The following LOXHD1 variants were observed in gnomAD, a reference collection of about 807,000 sequenced individuals.
LOXHD1 encodes the protein lipoxygenase homology domain-containing protein 1.
Under a neutral mutation model 248.2 loss-of-function variants are expected in LOXHD1, and 205 were observed. The ratio of observed to expected loss-of-function variants is 0.83; its 90% CI spans 0.74 to 0.93. The LOEUF (loss-of-function observed/expected upper bound fraction) is 0.93. Among genes scored for constraint, LOXHD1 ranks in the 40% least tolerant of loss-of-function variants. The pLI, the probability that LOXHD1 is intolerant of heterozygous loss-of-function variation, is 0.00. For missense variants in LOXHD1, 2,930 were observed against 2,971.6 expected (o/e 0.99, Z 0.33); for synonymous variants, 1,113 against 1,162.8 (o/e 0.96, Z 0.87).
At chr18:46,521,030 C>T (rs1043392072) in intron 33 of LOXHD1, 67 bp downstream of exon 33, 4 of 1,508,006 alleles carry the variant, frequency 2.7e-6, no homozygotes, top group Non-Finnish European at 3.6e-6. Flanking sequence ...TCTGTCTCCC[C>T]TGCTGCTCCC....
intron 1 of LOXHD1, among the ~76,000 whole-genome samples, chr18:46,656,302 C>T (rs537681225): frequency 5.9e-5 from 9 of 152,328 alleles, no homozygotes; most frequent in African/African-American, 2.2e-4. Flanking sequence ...TCTAGGGTCA[C>T]AGTTCACTTC....
At chr18:46,488,424 C>T (rs1206872288) in intron 38 of LOXHD1, among the ~76,000 whole-genome samples, 1 of 152,222 alleles carries the variant, frequency 6.6e-6, no homozygotes, top group African/African-American at 2.4e-5. Context: ...TTATGTCACG[C>T]TCTGCCTTTG....
At chr18:46,542,320 T>C (rs2036598321) in intron 24 of LOXHD1, among the ~76,000 whole-genome samples, 1 of 152,140 alleles carries the variant, frequency 6.6e-6, no homozygotes, top group African/African-American at 2.4e-5. Flanking sequence ...AGCTTTATAA[T>C]CTTACCCAAT....
intron 23 of LOXHD1, among the ~76,000 whole-genome samples, chr18:46,543,246 T>C (rs9945092): frequency 0.73 from 111,696 of 152,034 alleles, 41,828 homozygotes; most frequent in Non-Finnish European, 0.83. Context: ...TTAGCTCTCT[T>C]TTATAAGTGA....
intron 5 of LOXHD1, among the ~76,000 whole-genome samples, chr18:46,614,183 T>C (rs904322492): frequency 6.6e-6 from 1 of 152,196 alleles, no homozygotes; most frequent in Non-Finnish European, 1.5e-5. Flanking sequence ...GATCTAGAAC[T>C]AGAAACACCA....
At chr18:46,641,933 C>G (rs753227364) in intron 3 of LOXHD1, 23 bp downstream of exon 3, 2 of 1,547,882 alleles carry the variant, frequency 1.3e-6, no homozygotes, top group African/African-American at 2.7e-5. Flanking sequence ...ACCCTCAATC[C>G]TAGTCAGGCG....
chr18:46,649,000 G>A (rs2039071905), intron 2 of LOXHD1, among the ~76,000 whole-genome samples, 155 bp downstream of exon 2: 1 of 152,200 alleles, frequency 6.6e-6, no homozygotes, highest in Non-Finnish European at 1.5e-5. Context: ...ATCCCCAGCT[G>A]GTACACGGTC....
At chr18:46,501,087 A>T (rs902362356) in intron 37 of LOXHD1, among the ~76,000 whole-genome samples, 2 of 152,336 alleles carry the variant, frequency 1.3e-5, no homozygotes, top group South Asian at 4.2e-4. Context: ...CTAGCACTGA[A>T]CACAATGCCT....
rs780085670 is a variant in LOXHD1 at position 46,604,077 on chromosome 18, A to G, written c.883+29T>C. ...CCCTTAGGCAGAAAGTGAAATACCC[A>G]AAAGAGCCTCCCCTTTCTTCAAATC... is the stretch of plus-strand genomic sequence containing the variant. On this transcript the variant is annotated intron_variant, in intron 7 of 40. Transcript: ENST00000642948. The G allele has an allele frequency of 1.0e-5, 16 of 1,551,326 alleles. No individual in the cohort carries two copies. In the South Asian group the frequency reaches 1.4e-4, roughly 14 times the overall value.
intron 33 of LOXHD1, chr18:46,518,806 GT>G (rs1320089040): frequency 1.5e-5 from 14 of 910,614 alleles, no homozygotes; most frequent in Middle Eastern, 5.5e-4. Flanking sequence ...CTGGGTGTCA[GT>G]TCCCCTTCAT....
intron 32 of LOXHD1, 55 bp downstream of exon 32, chr18:46,522,046 C>A: frequency 7.6e-7 from 1 of 1,310,082 alleles, no homozygotes; most frequent in South Asian, 1.4e-5. Context: ...AGGAACTGGT[C>A]AGCTCTGTCT....
Position 46,559,615 on chromosome 18 carries a change from A to G in LOXHD1, c.3062-13T>C. 1 of 1,551,118 alleles carries G rather than the reference A, an allele frequency of 6.4e-7. No individual in the cohort carries two copies. The highest frequency in any genetic ancestry group is 8.7e-7 in the Non-Finnish European group (1 of 1,146,444). ...TCATAGGTGTTTCCTGTAGACACAG[A>G]AAGATGCAGTGTGGAGGGCCTCATG... On this transcript the variant is annotated splice_polypyrimidine_tract_variant and intron_variant, in intron 19 of 40. Transcript: ENST00000642948.
At chr18:46,565,436 T>C (rs921640407) in intron 17 of LOXHD1, among the ~76,000 whole-genome samples, 1 of 152,196 alleles carries the variant, frequency 6.6e-6, no homozygotes, top group Non-Finnish European at 1.5e-5. Flanking sequence ...ATCCTATTAT[T>C]GTCTGTCTCC....
chr18:46,505,781 C>T (rs1373986410), intron 37 of LOXHD1, 57 bp downstream of exon 37: 4 of 1,535,372 alleles, frequency 2.6e-6, no homozygotes, highest in Non-Finnish European at 3.5e-6. Context: ...GGAATAATGG[C>T]TCAGGAAGGG....
chr18:46,590,279 G>A (rs2038141713), intron 12 of LOXHD1, among the ~76,000 whole-genome samples: 1 of 152,094 alleles, frequency 6.6e-6, no homozygotes, highest in South Asian at 2.1e-4. Context: ...GATAATGCAT[G>A]CTGAGGTTTG....
chr18:46,601,323 C>A lies in LOXHD1; in HGVS notation c.1028G>T (p.Arg343Leu), dbSNP rs183531840. Residue 343 changes from arginine (R) to leucine (L), a missense_variant, in exon 8 of 41, where the codon CGC becomes CTC. Transcript: ENST00000642948. ...FLEGGVFDRGRTDIFHIELAV... is the reference protein window; with the variant it reads ...FLEGGVFDRGLTDIFHIELAV... Reference sequence around the variant, plus strand: ...CAGCTCGATGTGGAAGATGTCCGTGCGGCCTCGGTCAAACACGCCGCCCTC... The same window carrying A: ...CAGCTCGATGTGGAAGATGTCCGTGAGGCCTCGGTCAAACACGCCGCCCTC... The A allele has an allele frequency of 1.3e-6, 2 of 1,551,544 alleles. No individual in the cohort carries two copies. The highest frequency in any genetic ancestry group is 4.9e-5 in the East Asian group (2 of 40,930).
Position 46,657,000 on chromosome 18 carries a change from CCTT to C in LOXHD1, c.31_33del (p.Lys11del), listed in dbSNP as rs763989894. 819 of 1,551,522 alleles carry C rather than the reference CCTT, an allele frequency of 5.3e-4. 9 individuals carry two copies. Among genetic ancestry groups the C allele is most frequent in the Non-Finnish European group, 1.0e-4 (115 of 1,146,946 alleles). The stretch of plus-strand genomic sequence containing the variant: ...TCGTACAGGGCCAGGAAGTCGATGT[CCTT>C]CTTCCTCCGCCTTTTCTTCTGGGGC... On this transcript the variant is annotated inframe_deletion, in exon 1 of 41. Coordinates refer to ENST00000642948, the MANE Select transcript of LOXHD1 (RefSeq NM_001384474.1).
chr18:46,532,160 C>T (rs1260701922), intron 28 of LOXHD1, among the ~76,000 whole-genome samples: 1 of 152,200 alleles, frequency 6.6e-6, no homozygotes, highest in African/African-American at 2.4e-5. Flanking sequence ...GATTTTCAAG[C>T]TCTTGGAGCT....
chr18:46,521,018 C>A, intron 33 of LOXHD1, 79 bp downstream of exon 33: 2 of 1,481,248 alleles, frequency 1.4e-6, no homozygotes, highest in South Asian at 1.3e-5. Flanking sequence ...ACTTCTTCCA[C>A]TTCTGTCTCC....
Sources: gnomAD v4.1 joint callset for allele counts (sites outside exome capture counted in the v4.1 genomes callset) on GRCh38, gnomAD v4.1.1 for gene constraint, MANE v1.5 for transcripts, NCBI Gene and HGNC (gene_info 2026-07-23, HGNC 2026-07-21) for gene names.